CCDC171: variants seen among roughly 807,000 people sequenced by gnomAD.
The protein encoded by CCDC171 is coiled-coil domain-containing protein 171.
A neutral mutation model predicts 168.2 loss-of-function variants in CCDC171; 177 were observed. That is an observed-to-expected ratio of 1.05 (90% confidence interval 0.93 to 1.19). CCDC171 has a LOEUF of 1.19. CCDC171 is among the 50% of genes most tolerant of loss of function. The pLI is 0.00. For missense variants in CCDC171, 1,991 were observed against 1,539.0 expected, an observed-to-expected ratio of 1.29 and a Z score of -4.91; for synonymous variants, 687 against 540.8, an observed-to-expected ratio of 1.27 and a Z score of -3.75.
intron 6 of CCDC171, among the ~76,000 whole-genome samples, chr9:15,608,944 CAA>C (rs71491669): frequency 7.3e-5 from 1 of 13,724 alleles, no homozygotes; most frequent in African/African-American, 2.5e-4. Context: ...GACCCTGTCT[CAA>C]AAAAAAAAAA....
chr9:15,800,797 A>G (rs1034579522), intron 21 of CCDC171, among the ~76,000 whole-genome samples: 4 of 151,796 alleles, frequency 2.6e-5, no homozygotes, highest in Non-Finnish European at 5.9e-5. Flanking sequence ...GTGTATGACA[A>G]GAGATAAGGG....
At chr9:15,644,770 G>C (rs1030089678) in intron 7 of CCDC171, among the ~76,000 whole-genome samples, 1 of 152,186 alleles carries the variant, frequency 6.6e-6, no homozygotes, top group African/African-American at 2.4e-5. Context: ...GGAGCCCACC[G>C]CAGCCCAAGG....
chr9:15,710,785 T>C (rs2052607501), intron 11 of CCDC171, among the ~76,000 whole-genome samples: 1 of 151,762 alleles, frequency 6.6e-6, no homozygotes, highest in South Asian at 2.1e-4. Flanking sequence ...TTAGTAGAGA[T>C]GGGGTTTTGC....
intron 10 of CCDC171, among the ~76,000 whole-genome samples, chr9:15,694,063 A>T (rs921124607): frequency 3.2e-4 from 49 of 152,182 alleles, no homozygotes; most frequent in African/African-American, 1.1e-3. Context: ...TTTTGCTTCA[A>T]TTGGCATGAT....
At chr9:15,632,329 G>A (rs1465404965) in intron 7 of CCDC171, among the ~76,000 whole-genome samples, 1 of 151,760 alleles carries the variant, frequency 6.6e-6, no homozygotes, top group Non-Finnish European at 1.5e-5. Flanking sequence ...AAAGTCTCAG[G>A]ATACAAAATC....
the CCDC171 span, among the ~76,000 whole-genome samples, chr9:16,078,837 A>T: frequency 3.3e-5 from 5 of 152,192 alleles, no homozygotes; most frequent in Non-Finnish European, 7.3e-5. Flanking sequence ...AGTGGGTCAG[A>T]AGTGACTGGT....
At chr9:15,718,399 C>T (rs1463938402) in intron 11 of CCDC171, among the ~76,000 whole-genome samples, 1 of 152,240 alleles carries the variant, frequency 6.6e-6, no homozygotes, top group African/African-American at 2.4e-5. Context: ...CCTGGGGGAG[C>T]TTGCCATCTT....
At chr9:15,773,892 T>C (rs376513735) in intron 18 of CCDC171, among the ~76,000 whole-genome samples, 225 of 152,174 alleles carry the variant, frequency 1.5e-3, no homozygotes, top group African/African-American at 5.3e-3. Context: ...AATCTATACA[T>C]CCGACAAAGG....
intron 7 of CCDC171, among the ~76,000 whole-genome samples, chr9:15,655,471 T>A (rs141083489): frequency 0.012 from 1,765 of 152,296 alleles, 37 homozygotes; most frequent in African/African-American, 0.041. Flanking sequence ...AGGGGTGCAT[T>A]TTCTGAACAA....
At chr9:15,598,826 G>T (rs1378699535) in intron 6 of CCDC171, among the ~76,000 whole-genome samples, 2 of 152,028 alleles carry the variant, frequency 1.3e-5, no homozygotes, top group Non-Finnish European at 2.9e-5. Context: ...TATGAATCTG[G>T]GTGCTCCTGT....
chr9:15,883,051 C>T (rs1349714361), intron 24 of CCDC171: 1 of 272,344 alleles, frequency 3.7e-6, no homozygotes, highest in East Asian at 1.9e-4. Flanking sequence ...TCTTTTGAGA[C>T]AGGATCTTCC....
Position 15,669,323 on chromosome 9 carries a change from A to AT in CCDC171, c.1076+3006dup, listed in dbSNP as rs562167565. Reference sequence around the variant, plus strand: ...ATAATCTTTTGTTTTCTTTTTAAACATTTTTTATTTTTAATTATGGGTAAA... The same window carrying AT: ...ATAATCTTTTGTTTTCTTTTTAAACATTTTTTTATTTTTAATTATGGGTAAA... On this transcript the variant is annotated intron_variant, in intron 9 of 25. Transcript: ENST00000380701. Among the ~76,000 whole-genome samples, 532 of 152,206 alleles carry AT rather than the reference A, an allele frequency of 3.5e-3. 6 individuals carry two copies. Among genetic ancestry groups the AT allele is most frequent in the African/African-American group, 0.012 (512 of 41,550 alleles).
intron 20 of CCDC171, among the ~76,000 whole-genome samples, chr9:15,779,587 T>C (rs2057548397): frequency 6.6e-6 from 1 of 152,176 alleles, no homozygotes; most frequent in Non-Finnish European, 1.5e-5. Flanking sequence ...CTCGAACTCC[T>C]GACCTCAGCT....
chr9:15,947,422 A>T (rs1047158137), intron 25 of CCDC171, among the ~76,000 whole-genome samples: 4 of 151,998 alleles, frequency 2.6e-5, no homozygotes, highest in Non-Finnish European at 5.9e-5. Context: ...TGACGACTCT[A>T]AGTATTTCAT....
rs527364452 is a variant in CCDC171 at position 15,581,779 on chromosome 9, C to G, written c.352+2756C>G. Among the ~76,000 whole-genome samples, 12 of 152,136 alleles carry G rather than the reference C, an allele frequency of 7.9e-5. No homozygotes were observed. The South Asian group carries it at 8.3e-4, about 11-fold the overall frequency. ...TCCTTACACCTTACACAAAAATTAA[C>G]TCAAGATGGATTAAAGACTTAAACG... On this transcript the variant is annotated intron_variant, in intron 4 of 25. Transcript: ENST00000380701.
Position 15,901,890 on chromosome 9 carries a change from T to C in CCDC171, c.3601-18380T>C, listed in dbSNP as rs1440920996. Among the ~76,000 whole-genome samples the C allele has an allele frequency of 2.6e-5, 4 of 152,330 alleles. No homozygotes were observed. In the East Asian group the frequency reaches 7.7e-4, roughly 29 times the overall value. On this transcript the variant is annotated intron_variant, in intron 24 of 25. Transcript: ENST00000380701. ...AAATTATTTTACATAGTACAGTCTT[T>C]ATAATAGTTTATAATGAGATGAGAG...
At chr9:15,962,678 C>T (rs1830460757) in intron 25 of CCDC171, among the ~76,000 whole-genome samples, 3 of 151,950 alleles carry the variant, frequency 2.0e-5, no homozygotes, top group South Asian at 4.2e-4. Flanking sequence ...CAGTTGATAA[C>T]TTTCTCTCAT....
At chr9:15,950,665 A>C (rs1052893004) in intron 25 of CCDC171, among the ~76,000 whole-genome samples, 3 of 152,136 alleles carry the variant, frequency 2.0e-5, no homozygotes, top group Non-Finnish European at 4.4e-5. Context: ...GCCGCTGCAA[A>C]ATCATGCCAA....
At chr9:15,713,733 A>G (rs1407599903) in intron 11 of CCDC171, among the ~76,000 whole-genome samples, 2 of 152,070 alleles carry the variant, frequency 1.3e-5, no homozygotes, top group Non-Finnish European at 2.9e-5. Flanking sequence ...GAAATGCTAT[A>G]TACATCTTGA....
Sources: allele counts gnomAD v4.1 joint callset (sites outside exome capture counted in the v4.1 genomes callset), GRCh38; gene constraint gnomAD v4.1.1; transcripts MANE v1.5; gene names NCBI Gene and HGNC (gene_info 2026-07-23, HGNC 2026-07-21).